Variants in RXFP1 observed in about 807,000 individuals in gnomAD.
The protein encoded by RXFP1 is relaxin receptor 1.
RXFP1 carries 73 observed loss-of-function variants against 89.8 expected under a neutral mutation model. The observed-to-expected ratio is 0.81, with a 90% CI of 0.67 to 0.99. The LOEUF is 0.99. Among genes scored for constraint, RXFP1 ranks in the 50% least tolerant of loss-of-function variants. RXFP1 has a pLI of 0.00. For synonymous variants in RXFP1, 277 were observed against 305.5 expected (o/e 0.91, Z 0.97); for missense variants, 793 against 895.5 (o/e 0.89, Z 1.46).
At chr4:158,571,368 G>T (rs1443492781) in intron 1 of RXFP1, among the ~76,000 whole-genome samples, 1 of 152,074 alleles carries the variant, frequency 6.6e-6, no homozygotes, top group Non-Finnish European at 1.5e-5. Flanking sequence ...ATTATTTTAG[G>T]CAGTTAGGGT....
At chr4:158,544,556 G>C (rs1747712828) in intron 1 of RXFP1, 1 of 163,136 alleles carries the variant, frequency 6.1e-6, no homozygotes. Flanking sequence ...CCATTAACTT[G>C]TCATTTACAT....
chr4:158,578,727 A>T (rs1254408656), intron 2 of RXFP1, among the ~76,000 whole-genome samples: 1 of 152,014 alleles, frequency 6.6e-6, no homozygotes, highest in Non-Finnish European at 1.5e-5. Flanking sequence ...AATTACTGTA[A>T]CTGGGAAGAC....
At chr4:158,583,510 T>C (rs534922600) in intron 2 of RXFP1, among the ~76,000 whole-genome samples, 68 of 152,266 alleles carry the variant, frequency 4.5e-4, no homozygotes, top group African/African-American at 1.6e-3. Flanking sequence ...CATGTACCCA[T>C]AAAAATTAAA....
chr4:158,577,143 A>T (rs1561051063), intron 2 of RXFP1, among the ~76,000 whole-genome samples: 1 of 151,910 alleles, frequency 6.6e-6, no homozygotes. Context: ...GATTCAAGTG[A>T]TTCTCCTGCT....
At chr4:158,556,955 T>G (rs1205730590) in intron 1 of RXFP1, among the ~76,000 whole-genome samples, 2 of 152,126 alleles carry the variant, frequency 1.3e-5, no homozygotes, top group Non-Finnish European at 2.9e-5. Context: ...GAGAAGTTGG[T>G]CAAAGGATAC....
intron 9 of RXFP1, among the ~76,000 whole-genome samples, chr4:158,622,780 T>G (rs1338909983): frequency 6.6e-6 from 1 of 152,178 alleles, no homozygotes; most frequent in Non-Finnish European, 1.5e-5. Flanking sequence ...CATACAGATC[T>G]AATGTATGGC....
intron 8 of RXFP1, among the ~76,000 whole-genome samples, chr4:158,614,900 A>G (rs1442694561): frequency 6.6e-6 from 1 of 152,152 alleles, no homozygotes. Context: ...GAGGTATGCG[A>G]GCAGTATATC....
intron 3 of RXFP1, among the ~76,000 whole-genome samples, chr4:158,597,752 G>A (rs564048864): frequency 9.2e-5 from 14 of 151,976 alleles, no homozygotes; most frequent in African/African-American, 2.2e-4. Context: ...ACTGCCCTCC[G>A]TTTCTGCCCT....
At chr4:158,623,585 C>T (rs1434991742) in intron 9 of RXFP1, among the ~76,000 whole-genome samples, 1 of 145,600 alleles carries the variant, frequency 6.9e-6, no homozygotes, top group Non-Finnish European at 1.5e-5. Context: ...AAATAAATAA[C>T]ATAATTAGTA....
intron 9 of RXFP1, among the ~76,000 whole-genome samples, chr4:158,625,333 A>G (rs1190233496): frequency 6.6e-6 from 1 of 152,104 alleles, no homozygotes; most frequent in Non-Finnish European, 1.5e-5. Context: ...TGTCTACAAA[A>G]CTATAGAGAT....
intron 8 of RXFP1, among the ~76,000 whole-genome samples, chr4:158,616,552 T>C (rs1764605094): frequency 9.6e-6 from 1 of 104,284 alleles, no homozygotes; most frequent in South Asian, 2.6e-4. Context: ...GGGTTTAGGC[T>C]ATTTTTTTTT....
At chr4:158,525,331 C>T (rs1407597074) in intron 1 of RXFP1, among the ~76,000 whole-genome samples, 1 of 151,626 alleles carries the variant, frequency 6.6e-6, no homozygotes, top group Non-Finnish European at 1.5e-5. Context: ...GGGTAACATG[C>T]GTGGTACCAA....
At chr4:158,565,666 T>C (rs1308918984) in intron 1 of RXFP1, among the ~76,000 whole-genome samples, 6 of 152,120 alleles carry the variant, frequency 3.9e-5, no homozygotes, top group Non-Finnish European at 7.4e-5. Context: ...TTGAGACAAC[T>C]TGCACATCAG....
At chr4:158,606,979 A>T in intron 5 of RXFP1, 2 of 1,092,104 alleles carry the variant, frequency 1.8e-6, no homozygotes, top group South Asian at 1.3e-5. Context: ...ATTTAACTGA[A>T]TGTTCGCTCA....
intron 3 of RXFP1, among the ~76,000 whole-genome samples, chr4:158,597,472 A>G (rs746142792): frequency 2.3e-4 from 35 of 152,268 alleles, no homozygotes; most frequent in Non-Finnish European, 4.7e-4. Flanking sequence ...CATAGTTGAA[A>G]TTTCCTATAC....
chr4:158,544,664 T>C (rs2149847185), intron 1 of RXFP1, among the ~76,000 whole-genome samples: 1 of 152,188 alleles, frequency 6.6e-6, no homozygotes, highest in South Asian at 2.1e-4. Context: ...GTTCTTATTG[T>C]TCAATTCCCA....
chr4:158,541,912 CT>C (rs962901712), intron 1 of RXFP1, among the ~76,000 whole-genome samples: 150 of 150,738 alleles, frequency 1.0e-3, no homozygotes, highest in African/African-American at 3.4e-3. Context: ...AGGAATGATG[CT>C]TTTCTTTTTT....
At chr4:158,633,374 T>TA in intron 11 of RXFP1, 31 bp from the exon 12 acceptor site, 1 of 1,364,498 alleles carries the variant, frequency 7.3e-7, no homozygotes, top group Non-Finnish European at 1.0e-6. Context: ...CTTAAGAAAA[T>TA]AATATCACAT....
At chr4:158,643,581 C>T (rs1287708562) in intron 14 of RXFP1, among the ~76,000 whole-genome samples, 3 of 150,376 alleles carry the variant, frequency 2.0e-5, no homozygotes, top group Non-Finnish European at 4.4e-5. Flanking sequence ...AAGCGATTCT[C>T]CTGCCTCAGC....
Sources: gnomAD v4.1 joint callset for allele counts (sites outside exome capture counted in the v4.1 genomes callset) on GRCh38, gnomAD v4.1.1 for gene constraint, MANE v1.5 for transcripts, NCBI Gene and HGNC (gene_info 2026-07-23, HGNC 2026-07-21) for gene names.